MCF2L: variants seen among roughly 807,000 people sequenced by gnomAD.
MCF2L encodes the protein MCF.2 cell line derived transforming sequence like.
In MCF2L, 97 loss-of-function variants were observed where a neutral mutation model predicts 153.4. That is an observed-to-expected ratio of 0.63 (90% CI 0.54 to 0.75). The LOEUF (loss-of-function observed/expected upper bound fraction) is 0.75, where lower values mean the gene tolerates loss of function less well. Among genes scored for constraint, MCF2L ranks in the 30% least tolerant of loss-of-function variants. The pLI, the probability that MCF2L is intolerant of heterozygous loss-of-function variation, is 0.00. For synonymous variants in MCF2L, 659 were observed against 632.2 expected, an observed-to-expected ratio of 1.04 and a Z score of -0.64; for missense variants, 1,347 against 1,495.2, an observed-to-expected ratio of 0.90 and a Z score of 1.64.
intron 1 of MCF2L, among the ~76,000 whole-genome samples, chr13:113,006,752 C>G (rs1192101527): frequency 1.3e-5 from 2 of 152,234 alleles, no homozygotes; most frequent in Non-Finnish European, 2.9e-5. Context: ...GCGGGTGCCA[C>G]CAGCCCTGCC....
Position 113,065,052 on chromosome 13 carries a change from G to A in MCF2L, c.723G>A (p.Leu241=). The part of the protein sequence containing the change: ...PNDVQSTSSV[L]CAHTEKKDKA... Reference sequence around the variant, plus strand: ...ACGTCCAGTCGACAAGCTCAGTGCTGTGTGCGCACACAGAGAAGAAGGACA... The same window carrying A: ...ACGTCCAGTCGACAAGCTCAGTGCTATGTGCGCACACAGAGAAGAAGGACA... Residue 241 remains leucine (L), a synonymous_variant, in exon 7 of 30, where the codon CTG becomes CTA. Coordinates refer to ENST00000535094, the MANE Select transcript of MCF2L (RefSeq NM_001112732.3). 2 of 1,612,460 alleles carry A rather than the reference G, an allele frequency of 1.2e-6. No homozygotes were observed. Among genetic ancestry groups the A allele is most frequent in the Non-Finnish European group, 1.7e-6 (2 of 1,179,878 alleles).
chr13:113,056,396 A>G lies in MCF2L; in HGVS notation c.370-4197A>G, dbSNP rs2087780405. Among the ~76,000 whole-genome samples the G allele has an allele frequency of 2.4e-5, 3 of 125,728 alleles. No homozygotes were observed. In the South Asian group the frequency reaches 7.6e-4, roughly 32 times the overall value. The allele number at this position is 125,728 out of a possible 152,430, so 82.5% of individuals were successfully genotyped here. Reference sequence around the variant, plus strand: ...TTAGGTGCTGTGTGTTTGGGTGCTGAGTGTTTTGGCACTGAGTGGGTGCTG... The same window carrying G: ...TTAGGTGCTGTGTGTTTGGGTGCTGGGTGTTTTGGCACTGAGTGGGTGCTG... On this transcript the variant is annotated intron_variant, in intron 4 of 29. Coordinates refer to ENST00000535094, the MANE Select transcript of MCF2L (RefSeq NM_001112732.3).
intron 26 of MCF2L, chr13:113,090,351 G>A: frequency 1.0e-6 from 1 of 985,430 alleles, no homozygotes; most frequent in Non-Finnish European, 1.2e-6. Context: ...CTTTCCTTCG[G>A]GAAAATGAAG....
upstream of MCF2L, chr13:112,966,272 G>A (rs2081892214): frequency 1.3e-5 from 2 of 152,240 alleles, no homozygotes; most frequent in African/African-American, 4.8e-5. The surrounding 1 kb of genome is among the most constrained non-coding windows in gnomAD (Gnocchi z 4.1). Flanking sequence ...GAGAGACTTA[G>A]CTGAACAAAT....
In MCF2L at chr13:112,941,526, G is replaced by C. The variant is rs566547533; in HGVS notation, c.169+39155G>C. Among the ~76,000 whole-genome samples the C allele has an allele frequency of 6.6e-6, 1 of 151,872 alleles. No individual in the cohort carries two copies. Among genetic ancestry groups the C allele is most frequent in the African/African-American group, 2.4e-5 (1 of 41,356 alleles). On this transcript the variant is annotated intron_variant, in intron 2 of 29. Transcript: ENST00000375608. The surrounding 1 kb of genome is among the most constrained non-coding windows in gnomAD (Gnocchi z 4.9). ...TGAGTCAACACAGGTGTAGGCGGGC[G>C]CAGGTGTGGATGTCAGGTGATCGAG...
intron 1 of MCF2L, among the ~76,000 whole-genome samples, chr13:112,992,639 A>G (rs935923423): frequency 2.6e-5 from 4 of 152,188 alleles, no homozygotes; most frequent in African/African-American, 9.7e-5. Flanking sequence ...CTGAATAATG[A>G]TGTGGAAGCT....
At chr13:113,078,131 C>T (rs2033699587) in intron 13 of MCF2L, among the ~76,000 whole-genome samples, 2 of 151,612 alleles carry the variant, frequency 1.3e-5, no homozygotes, top group Non-Finnish European at 2.9e-5. Flanking sequence ...CACGCCACCA[C>T]CTGTGGCCTC....
intron 1 of MCF2L, among the ~76,000 whole-genome samples, chr13:112,970,131 T>C (rs974248805): frequency 1.4e-4 from 22 of 152,290 alleles, no homozygotes; most frequent in Middle Eastern, 6.8e-3. Flanking sequence ...GGCTGTGTTA[T>C]GCAGAAGGGA....
chr13:113,073,134 T>C (rs1323805989), intron 9 of MCF2L, among the ~76,000 whole-genome samples: 1 of 152,140 alleles, frequency 6.6e-6, no homozygotes, highest in African/African-American at 2.4e-5. Flanking sequence ...TTTCCCGTTG[T>C]CTTTCCATTC....
At chr13:113,088,198 C>G in intron 23 of MCF2L, 129 bp from the exon 24 acceptor site, 1 of 830,112 alleles carries the variant, frequency 1.2e-6, no homozygotes, top group Non-Finnish European at 2.1e-6. Context: ...CTTTCCTCCT[C>G]TCCCCTCACA....
intron 1 of MCF2L, among the ~76,000 whole-genome samples, chr13:112,988,562 C>G (rs929395730): frequency 6.7e-6 from 1 of 150,188 alleles, no homozygotes; most frequent in Non-Finnish European, 1.5e-5. Flanking sequence ...CACCCGAGTC[C>G]TCCCTGAGCA....
intron 2 of MCF2L, chr13:112,957,365 T>A (rs1266051896): frequency 6.6e-6 from 1 of 152,250 alleles, no homozygotes; most frequent in African/African-American, 2.4e-5. Context: ...AGCTGTGATG[T>A]CTCCAAACTG....
At chr13:113,094,361 A>G (rs2035469810) in intron 26 of MCF2L, 153 bp from the exon 27 acceptor site, 1 of 717,172 alleles carries the variant, frequency 1.4e-6, no homozygotes, top group Non-Finnish European at 2.2e-6. Flanking sequence ...TGTCCTGCTC[A>G]GCTCTTTATG....
rs767357895 is a variant in MCF2L at position 112,960,119 on chromosome 13, A to T, written c.170-54644A>T. 6.6e-6 allele frequency among the ~76,000 whole-genome samples: 1 copy of T among 152,214 alleles called. No homozygotes were observed. The highest frequency in any genetic ancestry group is 1.5e-5 in the Non-Finnish European group (1 of 68,040). On this transcript the variant is annotated intron_variant, in intron 2 of 29. Transcript: ENST00000375608. The surrounding 1 kb of genome is among the most constrained non-coding windows in gnomAD (Gnocchi z 4.2). ...GTGTCTTTGTCTGTTTTCTGCTGCT[A>T]TAACAGAGTATCACAGATTGGGTAA...
intron 2 of MCF2L, among the ~76,000 whole-genome samples, chr13:112,946,268 T>C (rs1327433574): frequency 2.1e-5 from 3 of 145,470 alleles, no homozygotes; most frequent in Non-Finnish European, 4.5e-5. Flanking sequence ...CTAAAGATAA[T>C]GTTTCTCCCT....
At chr13:112,964,836 G>A (rs1028981681), upstream of MCF2L, 8 of 152,252 alleles carry the variant, frequency 5.3e-5, no homozygotes, top group African/African-American at 1.9e-4. Flanking sequence ...TCTAGGTGAT[G>A]CTGTTAAAGT....
rs369701772 is a variant in MCF2L, at chr13:112,939,636, C to T, written c.169+37265C>T. Reference sequence around the variant, plus strand: ...TGGACACTTTGGGTTAAATGGAAAGCGTCCTATGGGTGTGCAGCAGAGGGA... The same window carrying T: ...TGGACACTTTGGGTTAAATGGAAAGTGTCCTATGGGTGTGCAGCAGAGGGA... On this transcript the variant is annotated intron_variant, in intron 2 of 29. Transcript: ENST00000375608. Among the ~76,000 whole-genome samples the T allele has an allele frequency of 2.0e-4, 31 of 152,260 alleles. No individual in the cohort carries two copies. In the South Asian group the frequency reaches 6.0e-3, roughly 30 times the overall value.
At chr13:113,038,539 G>A (rs900675605) in intron 3 of MCF2L, among the ~76,000 whole-genome samples, 11 of 151,182 alleles carry the variant, frequency 7.3e-5, no homozygotes, top group African/African-American at 2.7e-4. Context: ...CAGATTAGAA[G>A]ACAATTAGTA....
intron 15 of MCF2L, among the ~76,000 whole-genome samples, chr13:113,079,490 C>T (rs1399404735): frequency 6.6e-6 from 1 of 152,162 alleles, no homozygotes; most frequent in Non-Finnish European, 1.5e-5. Flanking sequence ...ACGCTTGGAA[C>T]CACGTCTCCC....
Sources: gnomAD v4.1 joint callset for allele counts (sites outside exome capture counted in the v4.1 genomes callset) on GRCh38, gnomAD v4.1.1 for gene constraint, Gnocchi (gnomAD v3.1) non-coding constraint, MANE v1.5 for transcripts, NCBI Gene and HGNC (gene_info 2026-07-23, HGNC 2026-07-21) for gene names.